KCNH8: variants seen among roughly 807,000 people sequenced by gnomAD.
KCNH8 encodes the protein potassium voltage-gated channel subfamily H member 8.
In KCNH8, 70 loss-of-function variants were observed where a neutral mutation model predicts 103.6. The ratio of observed to expected loss-of-function variants is 0.68; its 90% CI spans 0.56 to 0.82. The LOEUF is 0.82. Ranked by LOEUF, KCNH8 falls within the 40% of genes least tolerant of loss-of-function variation. KCNH8 has a pLI of 0.00. For synonymous variants in KCNH8, 498 were observed against 489.4 expected (o/e 1.02, Z -0.23); for missense variants, 1,217 against 1,329.9 (o/e 0.92, Z 1.32).
intron 5 of KCNH8, among the ~76,000 whole-genome samples, chr3:19,349,929 A>T (rs2065777213): frequency 6.6e-6 from 1 of 152,000 alleles, no homozygotes; most frequent in East Asian, 1.9e-4. Flanking sequence ...ACCCATTCCA[A>T]TTTTTTTGGT....
intron 15 of KCNH8, among the ~76,000 whole-genome samples, chr3:19,522,848 A>G (rs1469539515): frequency 6.6e-6 from 1 of 151,784 alleles, no homozygotes; most frequent in Non-Finnish European, 1.5e-5. Context: ...ATAGCAAAAG[A>G]TGTCATGGTT....
chr3:19,305,386 A>G (rs1426220564), intron 3 of KCNH8, among the ~76,000 whole-genome samples: 1 of 152,162 alleles, frequency 6.6e-6, no homozygotes, highest in Non-Finnish European at 1.5e-5. Flanking sequence ...CAATAAGCTA[A>G]GAAAATGTAA....
intron 2 of KCNH8, among the ~76,000 whole-genome samples, chr3:19,275,160 A>G (rs928036453): frequency 4.6e-5 from 7 of 151,868 alleles, no homozygotes; most frequent in Non-Finnish European, 8.8e-5. Flanking sequence ...GATGCTGAAA[A>G]GAAAAGGAAA....
intron 1 of KCNH8, among the ~76,000 whole-genome samples, chr3:19,202,716 C>A (rs1364461366): frequency 6.6e-6 from 1 of 152,056 alleles, no homozygotes; most frequent in African/African-American, 2.4e-5. Flanking sequence ...ATGTCTATAA[C>A]TATATTGCAT....
chr3:19,418,099 G>A (rs1204116513), intron 7 of KCNH8, among the ~76,000 whole-genome samples: 1 of 152,204 alleles, frequency 6.6e-6, no homozygotes, highest in Admixed American at 6.5e-5. Flanking sequence ...GGTGGCATTT[G>A]AACTGGGCTT....
chr3:19,510,442 TG>T, intron 12 of KCNH8, 41 bp downstream of exon 12: 1 of 1,216,802 alleles, frequency 8.2e-7, no homozygotes, highest in Non-Finnish European at 1.2e-6. Flanking sequence ...ATCTAAAATC[TG>T]GAGGATTACC....
intron 1 of KCNH8, among the ~76,000 whole-genome samples, chr3:19,225,252 T>G (rs1249786320): frequency 1.3e-5 from 2 of 151,806 alleles, no homozygotes; most frequent in Non-Finnish European, 2.9e-5. Flanking sequence ...AGAACTCTAT[T>G]ATGGAAGGGT....
intron 1 of KCNH8, among the ~76,000 whole-genome samples, chr3:19,203,126 T>C (rs1453544340): frequency 6.6e-6 from 1 of 152,270 alleles, no homozygotes; most frequent in Admixed American, 6.6e-5. Context: ...AAATGGATCA[T>C]TACAAAAGGA....
intron 3 of KCNH8, among the ~76,000 whole-genome samples, chr3:19,288,799 T>C (rs1025833513): frequency 6.6e-6 from 1 of 152,320 alleles, no homozygotes; most frequent in South Asian, 2.1e-4. Context: ...CCCTGAGAAT[T>C]GCCACACTGA....
intron 3 of KCNH8, among the ~76,000 whole-genome samples, chr3:19,308,719 C>CCCCTCTCCCCCTCTCT (rs1559470123): frequency 8.2e-5 from 1 of 12,236 alleles, no homozygotes; most frequent in African/African-American, 4.7e-4. Flanking sequence ...TCTCTCTCTC[C>CCCCTCTCCCCCTCTCT]CCCTCTCTCC....
intron 1 of KCNH8, among the ~76,000 whole-genome samples, chr3:19,157,423 T>C (rs939358125): frequency 6.6e-6 from 1 of 152,132 alleles, no homozygotes; most frequent in African/African-American, 2.4e-5. Context: ...ATCTCAGTCA[T>C]CTGAAAATGA....
At position 19,466,974 on chromosome 3, in the gene KCNH8, T is replaced by A. The variant is rs571066751; in HGVS notation, c.2040+9992T>A. Among the ~76,000 whole-genome samples, 18 of 152,270 alleles carry A rather than the reference T, an allele frequency of 1.2e-4. No homozygotes were observed. The East Asian group carries it at 3.5e-3, about 29-fold the overall frequency. ...CTGCGCCCGGCCAATAAAATATTTT[T>A]AATTAAGATATGTATGTTGTTTTTA... On this transcript the variant is annotated intron_variant, in intron 11 of 15. Coordinates refer to ENST00000328405, the MANE Select transcript of KCNH8 (RefSeq NM_144633.3).
chr3:19,224,724 A>G (rs565058850), intron 1 of KCNH8, among the ~76,000 whole-genome samples: 1 of 152,116 alleles, frequency 6.6e-6, no homozygotes, highest in African/African-American at 2.4e-5. Context: ...TTTTTGACAA[A>G]ATGTGTCATT....
chr3:19,170,697 T>C (rs1205940218), intron 1 of KCNH8, among the ~76,000 whole-genome samples: 1 of 144,956 alleles, frequency 6.9e-6, no homozygotes, highest in African/African-American at 2.6e-5. Flanking sequence ...TATACACACA[T>C]ATATATACAC....
Position 19,273,299 on chromosome 3 carries a change from TAAAG to T in KCNH8, c.311-7895_311-7892del, listed in dbSNP as rs746427284. Among the ~76,000 whole-genome samples, 7 of 152,314 alleles carry T rather than the reference TAAAG, an allele frequency of 4.6e-5. No individual in the cohort carries two copies. In the South Asian group the frequency reaches 8.3e-4, roughly 18 times the overall value. On this transcript the variant is annotated intron_variant, in intron 2 of 15. Coordinates refer to ENST00000328405, the MANE Select transcript of KCNH8 (RefSeq NM_144633.3). ...TGAAGAAATCTTAAATTGCTTTTCT[TAAAG>T]AAAAGTATCAAGAGAGTGGGTTTGT...
chr3:19,419,499 C>G (rs918419178), intron 7 of KCNH8, among the ~76,000 whole-genome samples: 9 of 152,090 alleles, frequency 5.9e-5, no homozygotes, highest in African/African-American at 7.2e-5. Flanking sequence ...CGCGCCCGGC[C>G]AATTAAAATG....
chr3:19,149,900 C>T (rs2063112392), intron 1 of KCNH8, among the ~76,000 whole-genome samples: 2 of 152,322 alleles, frequency 1.3e-5, no homozygotes, highest in East Asian at 1.9e-4. Context: ...TTCATTTCCA[C>T]TCCAGTAGTC....
chr3:19,186,359 G>C (rs996072579), intron 1 of KCNH8, among the ~76,000 whole-genome samples: 1 of 150,826 alleles, frequency 6.6e-6, no homozygotes, highest in African/African-American at 2.4e-5. Flanking sequence ...CTTTACACTT[G>C]CACATGCCTT....
chr3:19,291,939 A>G (rs2064933885), intron 3 of KCNH8, among the ~76,000 whole-genome samples: 1 of 152,222 alleles, frequency 6.6e-6, no homozygotes, highest in African/African-American at 2.4e-5. Context: ...CTTTCTTATT[A>G]ATTAATTGTA....
Sources: allele counts gnomAD v4.1 joint callset (sites outside exome capture counted in the v4.1 genomes callset), GRCh38; gene constraint gnomAD v4.1.1; transcripts MANE v1.5; gene names NCBI Gene and HGNC (gene_info 2026-07-23, HGNC 2026-07-21).